SLC25A41: variants seen among roughly 807,000 people sequenced by gnomAD.
The protein encoded by SLC25A41 is mitochondrial carrier protein SCaMC-3L.
Under a neutral mutation model 34.7 loss-of-function variants are expected in SLC25A41, and 35 were observed. That is an observed-to-expected ratio of 1.01 (90% CI 0.77 to 1.34). The LOEUF is 1.34. SLC25A41 is among the 40% of genes most tolerant of loss of function. SLC25A41 has a pLI of 0.00. For synonymous variants in SLC25A41, 190 were observed against 209.9 expected (o/e 0.91, Z 0.82); for missense variants, 492 against 489.8 (o/e 1.00, Z -0.04).
At chr19:6,429,703 G>T (rs2092275769) in intron 4 of SLC25A41, 21 bp downstream of exon 4, 1 of 1,536,898 alleles carries the variant, frequency 6.5e-7, no homozygotes. Context: ...TTCCTCACCT[G>T]CGGGGCACAT....
rs764797161 is a variant in SLC25A41 at position 6,430,199 on chromosome 19, C to T, written c.364-38G>A. On this transcript the variant is annotated intron_variant, in intron 2 of 6. Coordinates refer to ENST00000321510, the MANE Select transcript of SLC25A41 (RefSeq NM_173637.4). ...AGGACCCTGGAGGAGCCCCTGCTCG[C>T]CTCTGTCTCCGTCCCCATCCCTGCC... 6 of 1,572,998 alleles carry T rather than the reference C, an allele frequency of 3.8e-6. No individual in the cohort carries two copies. In the African/African-American group the frequency reaches 5.4e-5, roughly 14 times the overall value.
chr19:6,432,160 C>G lies in SLC25A41; in HGVS notation c.252G>C (p.Leu84=), dbSNP rs375071188. Residue 84 remains leucine, a synonymous_variant, in exon 2 of 7, where the codon CTG becomes CTC. Transcript: ENST00000321510. ...ACAAGGCCTCCTTGTTATCCACTTC[C>G]AGGACTTCCACGGGGACCATCAGCT... ...GEQLMVPVEV[L]EVDNKEALWK... 1.9e-6 allele frequency: 3 copies of G among 1,613,784 alleles called. No homozygotes were observed. Among genetic ancestry groups the G allele is most frequent in the Non-Finnish European group, 8.5e-7 (1 of 1,179,874 alleles).
chr19:6,428,511 G>C (rs2092254635), intron 4 of SLC25A41, among the ~76,000 whole-genome samples: 1 of 146,650 alleles, frequency 6.8e-6, no homozygotes, highest in Non-Finnish European at 1.5e-5. Flanking sequence ...TATTATATAT[G>C]TATTATTATA....
At chr19:6,428,157 C>A (rs1011418009) in intron 4 of SLC25A41, among the ~76,000 whole-genome samples, 1 of 152,090 alleles carries the variant, frequency 6.6e-6, no homozygotes, top group African/African-American at 2.4e-5. Context: ...TAGCTCATGC[C>A]TGTAATCCCA....
chr19:6,433,772 G>C, upstream of SLC25A41: 4 of 1,236,548 alleles, frequency 3.2e-6, no homozygotes, highest in Non-Finnish European at 4.4e-6. Context: ...GTGTCTAGTG[G>C]GAGGATTGTG....
intron 1 of SLC25A41, 36 bp downstream of exon 1, chr19:6,433,451 C>A (rs201585010): frequency 2.1e-5 from 33 of 1,602,642 alleles, no homozygotes; most frequent in Non-Finnish European, 2.7e-5. Context: ...TAGTCCTGAC[C>A]AGAGGTGCCG....
At position 6,429,070 on chromosome 19, in the gene SLC25A41, A is replaced by G. The variant is rs2092260745; in HGVS notation, c.624+654T>C. 4.6e-5 allele frequency among the ~76,000 whole-genome samples: 3 copies of G among 65,298 alleles called. 1 individual carries two copies. The highest frequency in any genetic ancestry group is 2.4e-4 in the African/African-American group (3 of 12,484). The allele number at this position is 65,298 out of a possible 152,430, so 42.8% of individuals were successfully genotyped here. A position where few individuals can be genotyped will look rare whatever the true frequency, so the allele number is the denominator to read the frequency against. On this transcript the variant is annotated intron_variant, in intron 4 of 6. Transcript: ENST00000321510. ...TATATTATATATATGTTATATATAT[A>G]TATAATATATATATTATATATATGT...
intron 4 of SLC25A41, 53 bp downstream of exon 4, chr19:6,429,671 G>T: frequency 7.4e-7 from 1 of 1,349,274 alleles, no homozygotes. Context: ...CCAGCAACGT[G>T]GGTAACTAGT....
rs772607029 is a variant in SLC25A41, at chr19:6,427,085, C to G, written c.940+18G>C. 6.3e-7 allele frequency: 1 copy of G among 1,584,172 alleles called. No homozygotes were observed. Among genetic ancestry groups the G allele is most frequent in the Admixed American group, 1.8e-5 (1 of 55,334 alleles). The stretch of plus-strand genomic sequence containing the variant: ...GCGGGGAAGGGGCATGCGTGGTGGC[C>G]GCTGGGGACAGGCTGACCTTGGGCC... On this transcript the variant is annotated intron_variant, in intron 6 of 6. Coordinates refer to ENST00000321510, the MANE Select transcript of SLC25A41 (RefSeq NM_173637.4). The surrounding 1 kb of genome is among the most constrained non-coding windows in gnomAD (Gnocchi z 4.9).
chr19:6,428,695 T>G (rs2145137301), intron 4 of SLC25A41, among the ~76,000 whole-genome samples: 1 of 146,936 alleles, frequency 6.8e-6, no homozygotes, highest in Admixed American at 6.9e-5. Flanking sequence ...ATGTGTATAT[T>G]ATATATAAAA....
chr19:6,426,089 G>A lies in SLC25A41; in HGVS notation c.*300C>T, dbSNP rs992386243. 4 of 363,398 alleles carry A rather than the reference G, an allele frequency of 1.1e-5. No individual in the cohort carries two copies. The highest frequency in any genetic ancestry group is 7.6e-5 in the Admixed American group (2 of 26,334). The allele number at this position is 363,398 out of a possible 1,614,324, so 22.5% of individuals were successfully genotyped here. ...TGTTGTGTGACATGTTCACCATTTC[G>A]CCCTGGAGCCAGGACGACCCACAAG... On this transcript the variant is annotated 3_prime_UTR_variant, in exon 7 of 7. Coordinates refer to ENST00000321510, the MANE Select transcript of SLC25A41 (RefSeq NM_173637.4).
In SLC25A41 at chr19:6,427,366, G is replaced by A. The variant is rs756555071; in HGVS notation, c.760C>T (p.Pro254Ser). 2 of 1,611,262 alleles carry A rather than the reference G, an allele frequency of 1.2e-6. No homozygotes were observed. Among genetic ancestry groups the A allele is most frequent in the Non-Finnish European group, 8.5e-7 (1 of 1,178,586 alleles). ...ACAGCCAGGTCGGTGCAGGCATAGG[G>A]GATGATGCCGAGCATATTGGGCAGG... Reference protein sequence around the residue: ...GYLPNMLGIIPYACTDLAVYE... With the variant: ...GYLPNMLGIISYACTDLAVYE... Residue 254 changes from proline (P) to serine (S), a missense_variant, in exon 5 of 7, where the codon CCC (proline) becomes TCC (serine). Pro to Ser is a moderately conservative substitution (Grantham distance 74, BLOSUM62 -1). Coordinates refer to ENST00000321510, the MANE Select transcript of SLC25A41 (RefSeq NM_173637.4). The surrounding 1 kb of genome is among the most constrained non-coding windows in gnomAD (Gnocchi z 4.9).
At chr19:6,433,769 G>A, upstream of SLC25A41, 1 of 1,258,908 alleles carries the variant, frequency 7.9e-7, no homozygotes, top group Non-Finnish European at 1.1e-6. Context: ...GGAGTGTCTA[G>A]TGGGAGGATT....
intron 2 of SLC25A41, chr19:6,430,489 CTTCT>C (rs1348925887): frequency 2.1e-6 from 1 of 471,128 alleles, no homozygotes; most frequent in Admixed American, 3.0e-5. Flanking sequence ...TCCTCCCTTC[CTTCT>C]TTTTTTTTTT....
In SLC25A41 at chr19:6,429,765, G is replaced by A; in HGVS notation, c.583C>T (p.Leu195=). 1.2e-6 allele frequency: 2 copies of A among 1,609,468 alleles called. No individual in the cohort carries two copies. The highest frequency in any genetic ancestry group is 1.7e-6 in the Non-Finnish European group (2 of 1,178,256). Residue 195 remains leucine (L), a synonymous_variant, in exon 4 of 7, where the codon CTG becomes TTG. Transcript: ENST00000321510. ...PFQERLLAGS[L]AVAISQTLIN... ...AGGGTCTGGGAGATGGCCACAGCCA[G>A]GGAGCCAGCAAGGAGACGCTCCTGG...
intron 3 of SLC25A41, 24 bp from the exon 4 acceptor site, chr19:6,429,855 A>G: frequency 6.2e-7 from 1 of 1,605,528 alleles, no homozygotes; most frequent in South Asian, 1.1e-5. Context: ...GAGGAGGGTG[A>G]GAGAGAAGTC....
Position 6,429,087 on chromosome 19 carries a change from T to C in SLC25A41, c.624+637A>G, listed in dbSNP as rs1435906280. On this transcript the variant is annotated intron_variant, in intron 4 of 6. Coordinates refer to ENST00000321510, the MANE Select transcript of SLC25A41 (RefSeq NM_173637.4). ...ATATATATATATAATATATATATTA[T>C]ATATATGTTACATATATATATAATA... 2.2e-4 allele frequency among the ~76,000 whole-genome samples: 9 copies of C among 41,310 alleles called. 1 individual carries two copies. The highest frequency in any genetic ancestry group is 6.2e-4 in the African/African-American group (4 of 6,436). 27.1% of individuals were successfully genotyped at this position (41,310 alleles called of 152,430 possible).
At chr19:6,433,399 G>T in intron 1 of SLC25A41, 88 bp downstream of exon 1, 3 of 1,313,450 alleles carry the variant, frequency 2.3e-6, no homozygotes, top group Admixed American at 1.7e-5. Context: ...GCTAGCAGGG[G>T]AGTGGGCCTG....
At chr19:6,435,410 C>T (rs941870015), upstream of SLC25A41, among the ~76,000 whole-genome samples, 19 of 149,084 alleles carry the variant, frequency 1.3e-4, no homozygotes, top group South Asian at 6.2e-4. Flanking sequence ...GCGGACACCA[C>T]GCCCGGCTAA....
Sources: gnomAD v4.1 joint callset for allele counts (sites outside exome capture counted in the v4.1 genomes callset) on GRCh38, gnomAD v4.1.1 for gene constraint, Gnocchi (gnomAD v3.1) non-coding constraint, MANE v1.5 for transcripts, NCBI Gene and HGNC (gene_info 2026-07-23, HGNC 2026-07-21) for gene names.